Variants in ELFN2 observed in about 807,000 individuals in gnomAD.
ELFN2 encodes protein phosphatase 1 regulatory subunit 29.
ELFN2 carries 17 observed loss-of-function variants against 45.5 expected under a neutral mutation model. The observed-to-expected ratio is 0.37, with a 90% CI of 0.26 to 0.56. The LOEUF (loss-of-function observed/expected upper bound fraction) is 0.56, where lower values mean the gene tolerates loss of function less well. Ranked by LOEUF, ELFN2 falls within the 20% of genes least tolerant of loss-of-function variation. The pLI is 0.77. For synonymous variants in ELFN2, 550 were observed against 551.5 expected (o/e 1.00, Z 0.04); for missense variants, 922 against 1,183.2 (o/e 0.78, Z 3.24).
At position 37,374,059 on chromosome 22, in the gene ELFN2, G is replaced by T; in HGVS notation, c.1476C>A (p.Asp492Glu). The T allele has an allele frequency of 6.2e-7, 1 of 1,613,172 alleles. No homozygotes were observed. Among genetic ancestry groups the T allele is most frequent in the Non-Finnish European group, 8.5e-7 (1 of 1,180,016 alleles). Residue 492 changes from aspartate to glutamate, a missense_variant, in exon 3 of 3, where the codon GAC (aspartate) becomes GAA (glutamate). Coordinates refer to ENST00000402918, the MANE Select transcript of ELFN2 (RefSeq NM_052906.5). ...PTAKGLEAGL[D>E]TPKVATKGNY... ...TGCCTTTGGTGGCTACCTTGGGTGT[G>T]TCCAGCCCGGCCTCCAACCCCTTGG... is the stretch of plus-strand genomic sequence containing the variant.
chr22:37,412,479 C>T (rs1190993823), intron 2 of ELFN2, among the ~76,000 whole-genome samples: 1 of 152,144 alleles, frequency 6.6e-6, no homozygotes, highest in African/African-American at 2.4e-5. Context: ...TCCACACAGC[C>T]CCCTACCTGA....
At chr22:37,350,851 T>A (rs1930805518) in intron 1 of ELFN2, among the ~76,000 whole-genome samples, 1 of 149,790 alleles carries the variant, frequency 6.7e-6, no homozygotes, top group South Asian at 2.1e-4. Context: ...CCCACCTCCA[T>A]CAGCCTCGGA....
rs868376202 is a variant in ELFN2 at position 37,375,354 on chromosome 22, G to A, written c.181C>T (p.Arg61Trp). 5 of 1,614,144 alleles carry A rather than the reference G, an allele frequency of 3.1e-6. No individual in the cohort carries two copies. The highest frequency in any genetic ancestry group is 3.4e-6 in the Non-Finnish European group (4 of 1,180,018). The change falls in exon 3 of 3, where the codon CGG becomes TGG. Residue 61 changes from arginine (R) to tryptophan (W), a missense_variant. Physicochemically the swap from Arg to Trp is moderately radical, Grantham distance 101. Coordinates refer to ENST00000402918, the MANE Select transcript of ELFN2 (RefSeq NM_052906.5). ...QHINSTVHDL[R>W]LNENKLKAVL... Reference sequence around the variant, plus strand: ...GCTTTGAGCTTGTTCTCGTTGAGCCGCAGGTCGTGCACGGTGCTATTGATG... The same window carrying A: ...GCTTTGAGCTTGTTCTCGTTGAGCCACAGGTCGTGCACGGTGCTATTGATG...
At position 37,374,365 on chromosome 22, in the gene ELFN2, G is replaced by A. The variant is rs1257698024; in HGVS notation, c.1170C>T (p.Ser390=). ...TGATGTAGTGGGTGGTGGTGGAGGTGCTGGGCGCCAAGTCTCCGGGGACGG... is the reference window on the plus strand; with the variant it reads ...TGATGTAGTGGGTGGTGGTGGAGGTACTGGGCGCCAAGTCTCCGGGGACGG... ...RDPVPGDLAP[S]TSTTTHYIMT... The change falls in exon 3 of 3, where the codon AGC becomes AGT. Residue 390 remains serine (S), a synonymous_variant. Coordinates refer to ENST00000402918, the MANE Select transcript of ELFN2 (RefSeq NM_052906.5). The A allele has an allele frequency of 1.2e-6, 2 of 1,613,918 alleles. No individual in the cohort carries two copies. The highest frequency in any genetic ancestry group is 1.3e-5 in the African/African-American group (1 of 74,944).
intron 2 of ELFN2, among the ~76,000 whole-genome samples, chr22:37,389,630 C>T (rs1464242373): frequency 1.3e-5 from 2 of 152,086 alleles, no homozygotes; most frequent in Non-Finnish European, 2.9e-5. Context: ...AACTGAGGTG[C>T]GGACGAGGAA....
chr22:37,421,133 G>A (rs1932806195), intron 1 of ELFN2, among the ~76,000 whole-genome samples: 1 of 152,106 alleles, frequency 6.6e-6, no homozygotes, highest in Non-Finnish European at 1.5e-5. Context: ...CAATTTCTTG[G>A]CGCAGCATGG....
At chr22:37,423,087 C>T (rs1274808228) in intron 1 of ELFN2, among the ~76,000 whole-genome samples, 11 of 152,028 alleles carry the variant, frequency 7.2e-5, no homozygotes, top group Non-Finnish European at 1.2e-4. Context: ...ACGATAGACT[C>T]GGGACCTGAA....
At chr22:37,386,559 C>A (rs1215416639) in intron 2 of ELFN2, among the ~76,000 whole-genome samples, 1 of 152,202 alleles carries the variant, frequency 6.6e-6, no homozygotes, top group East Asian at 1.9e-4. Flanking sequence ...GGCCCTGAGA[C>A]CAGCTTTCTC....
chr22:37,386,547 C>A (rs192861706), intron 2 of ELFN2, among the ~76,000 whole-genome samples: 167 of 152,356 alleles, frequency 1.1e-3, no homozygotes, highest in African/African-American at 3.9e-3. Context: ...TTCCCTCCCC[C>A]TGGCCCTGAG....
At chr22:37,388,348 C>A (rs371509727) in intron 2 of ELFN2, among the ~76,000 whole-genome samples, 2 of 152,138 alleles carry the variant, frequency 1.3e-5, no homozygotes, top group Non-Finnish European at 2.9e-5. Flanking sequence ...TCCATCACAA[C>A]CGGAATCATA....
intron 2 of ELFN2, among the ~76,000 whole-genome samples, chr22:37,395,427 G>A (rs75023107): frequency 1.3e-5 from 2 of 152,146 alleles, no homozygotes; most frequent in East Asian, 1.9e-4. Flanking sequence ...TCTGAGACAC[G>A]AGGGATCAGG....
At chr22:37,396,550 A>G (rs6000711) in intron 2 of ELFN2, among the ~76,000 whole-genome samples, 34,223 of 152,006 alleles carry the variant, frequency 0.23, 4,034 homozygotes, top group South Asian at 0.39. Flanking sequence ...ATCCCTTAGC[A>G]CTACCCAGGC....
At chr22:37,356,480 T>C (rs756308581) in intron 1 of ELFN2, among the ~76,000 whole-genome samples, 28 of 152,200 alleles carry the variant, frequency 1.8e-4, no homozygotes, top group Non-Finnish European at 2.2e-4. Flanking sequence ...AGGGGGCACC[T>C]TGGGGGGAGT....
At chr22:37,390,483 A>C (rs1408799793) in intron 2 of ELFN2, among the ~76,000 whole-genome samples, 1 of 152,184 alleles carries the variant, frequency 6.6e-6, no homozygotes, top group Non-Finnish European at 1.5e-5. Context: ...TCTGCAGGCA[A>C]AGGGCCCAGC....
rs547350210 is a variant in ELFN2, at chr22:37,375,890, G to A, written c.-356C>T. The A allele has an allele frequency of 1.7e-5, 6 of 354,954 alleles. No homozygotes were observed. Among genetic ancestry groups the A allele is most frequent in the East Asian group, 1.2e-4 (2 of 16,352 alleles). 22.0% of individuals were successfully genotyped at this position (354,954 alleles called of 1,614,324 possible). ...CTCCTCGTCTTCCTCCTTGGCTTCCGGGCTCAGAACTTCAGATGATTCCCA... is the reference window on the plus strand; with the variant it reads ...CTCCTCGTCTTCCTCCTTGGCTTCCAGGCTCAGAACTTCAGATGATTCCCA... On this transcript the variant is annotated 5_prime_UTR_variant, in exon 3 of 3. Coordinates refer to ENST00000402918, the MANE Select transcript of ELFN2 (RefSeq NM_052906.5).
intron 2 of ELFN2, among the ~76,000 whole-genome samples, chr22:37,382,510 T>TG (rs1434763622): frequency 6.6e-6 from 1 of 150,750 alleles, no homozygotes; most frequent in Non-Finnish European, 1.5e-5. Context: ...CCCAAAGTAC[T>TG]GGGATTATAG....
At chr22:37,347,641 A>AACACACACACAC (rs55967141) in intron 1 of ELFN2, among the ~76,000 whole-genome samples, 1 of 146,578 alleles carries the variant, frequency 6.8e-6, no homozygotes, top group Admixed American at 6.8e-5. Context: ...TGGGTGGCAG[A>AACACACACACAC]ACACACACAC....
chr22:37,391,694 G>A (rs1381143459), intron 2 of ELFN2, among the ~76,000 whole-genome samples: 1 of 152,214 alleles, frequency 6.6e-6, no homozygotes, highest in Non-Finnish European at 1.5e-5. Flanking sequence ...ATAGGTGAAG[G>A]GACAGTGTCC....
intron 2 of ELFN2, among the ~76,000 whole-genome samples, chr22:37,380,698 A>G (rs1328082049): frequency 6.6e-6 from 1 of 152,106 alleles, no homozygotes; most frequent in Non-Finnish European, 1.5e-5. Flanking sequence ...GATTAGGAGG[A>G]CCAAGGACTC....
Sources: allele counts gnomAD v4.1 joint callset (sites outside exome capture counted in the v4.1 genomes callset), GRCh38; gene constraint gnomAD v4.1.1; transcripts MANE v1.5; gene names NCBI Gene and HGNC (gene_info 2026-07-23, HGNC 2026-07-21).